HSF5: variants seen among roughly 807,000 people sequenced by gnomAD.
HSF5 encodes heat shock transcription factor 5.
HSF5 carries 5 observed loss-of-function variants against 50.8 expected under a neutral mutation model. That is an observed-to-expected ratio of 0.10 (90% CI 0.05 to 0.21). The LOEUF is 0.21. Ranked by LOEUF, HSF5 falls within the 10% of genes least tolerant of loss-of-function variation. The probability of loss-of-function intolerance (pLI) is 1.00; values close to 1 mark genes in which losing one functional copy is unlikely to be tolerated. For synonymous variants in HSF5, 307 were observed against 307.4 expected, an observed-to-expected ratio of 1.00 and a Z score of 0.02; for missense variants, 564 against 762.6, an observed-to-expected ratio of 0.74 and a Z score of 3.07.
At chr17:58,434,473 C>T (rs1974401204) in intron 5 of HSF5, among the ~76,000 whole-genome samples, 2 of 151,656 alleles carry the variant, frequency 1.3e-5, no homozygotes, top group Admixed American at 1.3e-4. Context: ...AATCGCTTGA[C>T]CTGGGAGGCG....
rs114289407 is a variant in HSF5 at position 58,478,960 on chromosome 17, G to A, written c.925+933C>T. Among the ~76,000 whole-genome samples, 665 of 150,522 alleles carry A rather than the reference G, an allele frequency of 4.4e-3. 3 individuals carry two copies. Among genetic ancestry groups the A allele is most frequent in the African/African-American group, 0.015 (618 of 40,944 alleles). On this transcript the variant is annotated intron_variant, in intron 2 of 5. Coordinates refer to ENST00000323777, the MANE Select transcript of HSF5 (RefSeq NM_001080439.3). ...AAAACAGATGATAACTATCATAAGC[G>A]TTCCCAATTAGTGGCTTGGGATCTA...
rs760499985 is a variant in HSF5, at chr17:58,453,917, C to T, written c.1720+4851G>A. Among the ~76,000 whole-genome samples, 51 of 151,966 alleles carry T rather than the reference C, an allele frequency of 3.4e-4. 1 individual carries two copies. The highest frequency in any genetic ancestry group is 1.2e-3 in the South Asian group (6 of 4,806). On this transcript the variant is annotated intron_variant, in intron 5 of 5. Coordinates refer to ENST00000323777, the MANE Select transcript of HSF5 (RefSeq NM_001080439.3). ...CAGCCTGGCCAACATGGAGAAACCG[C>T]GTCTCTTCTAAAACACAAGAAAAAA... is the stretch of plus-strand genomic sequence containing the variant.
At chr17:58,452,249 G>A (rs555363642) in intron 5 of HSF5, among the ~76,000 whole-genome samples, 14 of 151,148 alleles carry the variant, frequency 9.3e-5, no homozygotes, top group South Asian at 2.1e-4. Flanking sequence ...ACCCTGCCTC[G>A]AAAAACAAAG....
In HSF5 at chr17:58,458,812, C is replaced by G. The variant is rs199833697; in HGVS notation, c.1676G>C (p.Arg559Thr). 30 of 1,613,994 alleles carry G rather than the reference C, an allele frequency of 1.9e-5. 1 individual carries two copies. In the Admixed American group the frequency reaches 3.7e-4, roughly 20 times the overall value. Residue 559 changes from arginine to threonine, a missense_variant, in exon 5 of 6, where the codon AGA becomes ACA. Transcript: ENST00000323777. ...TGAGTTGCTTCTGTGCTCTCTGTAT[C>G]TGGCTGGAGTGGCTAAACCTGTGTC... ...SEDTGLATPA[R>T]YREHRSNSQQ...
Position 58,420,818 on chromosome 17 carries a change from T to C in HSF5, c.*1542A>G, listed in dbSNP as rs553294337. 1.3e-5 allele frequency: 2 copies of C among 152,256 alleles called. No individual in the cohort carries two copies. Among genetic ancestry groups the C allele is most frequent in the Non-Finnish European group, 1.5e-5 (1 of 68,032 alleles). 9.4% of individuals were successfully genotyped at this position (152,256 alleles called of 1,614,324 possible). A position where few individuals can be genotyped will look rare whatever the true frequency, so the allele number is the denominator to read the frequency against. On this transcript the variant is annotated 3_prime_UTR_variant, in exon 6 of 6. Coordinates refer to ENST00000323777, the MANE Select transcript of HSF5 (RefSeq NM_001080439.3). ...GCTTTTCAGAACCTACTTTAATATC[T>C]AAACAGAGTCACTGCAGATCAATAC...
intron 2 of HSF5, among the ~76,000 whole-genome samples, chr17:58,473,760 C>T (rs1974977050): frequency 6.6e-6 from 1 of 152,100 alleles, no homozygotes. Context: ...TTTTTAGTTT[C>T]AATGTTTGAC....
chr17:58,448,613 A>G (rs1330603664), intron 5 of HSF5, among the ~76,000 whole-genome samples: 1 of 152,206 alleles, frequency 6.6e-6, no homozygotes, highest in Non-Finnish European at 1.5e-5. Flanking sequence ...AAAATTGCCA[A>G]TCAAGAATAC....
At chr17:58,457,251 C>A (rs1199806845) in intron 5 of HSF5, among the ~76,000 whole-genome samples, 5 of 149,498 alleles carry the variant, frequency 3.3e-5, no homozygotes, top group Admixed American at 2.0e-4. Flanking sequence ...CAGAGCAAGA[C>A]TCTGTCTCAG....
intron 3 of HSF5, among the ~76,000 whole-genome samples, chr17:58,465,146 C>A (rs1171409774): frequency 1.4e-5 from 2 of 148,112 alleles, no homozygotes; most frequent in Non-Finnish European, 3.0e-5. Context: ...CCCTCCCTCC[C>A]TCCCTCCCTT....
intron 5 of HSF5, among the ~76,000 whole-genome samples, chr17:58,442,625 G>C (rs1429670833): frequency 6.6e-6 from 1 of 152,154 alleles, no homozygotes; most frequent in Non-Finnish European, 1.5e-5. Context: ...TTGTTAATAT[G>C]GTGAATAACA....
chr17:58,487,554 C>G (rs1048056980), intron 1 of HSF5, among the ~76,000 whole-genome samples, 171 bp downstream of exon 1: 1 of 152,232 alleles, frequency 6.6e-6, no homozygotes, highest in African/African-American at 2.4e-5. Context: ...CCGCTGAGAA[C>G]GGCGGCGGTG....
At chr17:58,437,910 A>G (rs576220755) in intron 5 of HSF5, among the ~76,000 whole-genome samples, 94 of 152,314 alleles carry the variant, frequency 6.2e-4, no homozygotes, top group Non-Finnish European at 1.2e-3. Flanking sequence ...ACACATTTCT[A>G]CAGGAGAGAT....
intron 5 of HSF5, 59 bp downstream of exon 5, chr17:58,458,709 A>G (rs1430772190): frequency 7.2e-7 from 1 of 1,398,156 alleles, no homozygotes; most frequent in Non-Finnish European, 9.7e-7. Context: ...AATGTCATTC[A>G]TATATTAATT....
At chr17:58,450,875 G>A (rs1312083435) in intron 5 of HSF5, among the ~76,000 whole-genome samples, 2 of 152,022 alleles carry the variant, frequency 1.3e-5, no homozygotes, top group Non-Finnish European at 2.9e-5. Context: ...GATCACTTGA[G>A]GTTAGGAGTT....
chr17:58,481,328 C>A (rs1975095536), intron 1 of HSF5, among the ~76,000 whole-genome samples: 1 of 152,076 alleles, frequency 6.6e-6, no homozygotes, highest in African/African-American at 2.4e-5. Flanking sequence ...TGATACTTGT[C>A]TTCTCTTTAT....
At chr17:58,426,454 T>C (rs2143723815) in intron 5 of HSF5, among the ~76,000 whole-genome samples, 1 of 152,284 alleles carries the variant, frequency 6.6e-6, no homozygotes, top group South Asian at 2.1e-4. Context: ...AGATAAGTAT[T>C]TGGGAATCAC....
At chr17:58,427,706 C>T (rs1974313518) in intron 5 of HSF5, among the ~76,000 whole-genome samples, 1 of 152,152 alleles carries the variant, frequency 6.6e-6, no homozygotes, top group Admixed American at 6.5e-5. Flanking sequence ...AACATTTGGT[C>T]ATCTATGAGA....
At chr17:58,476,549 G>T in intron 2 of HSF5, 3 of 1,424,872 alleles carry the variant, frequency 2.1e-6, no homozygotes, top group South Asian at 2.3e-5. Context: ...TTATTTTCAA[G>T]GTAAGGATTT....
intron 5 of HSF5, among the ~76,000 whole-genome samples, chr17:58,441,521 G>C (rs1974497619): frequency 6.6e-6 from 1 of 151,944 alleles, no homozygotes. Context: ...GATAAGAGTA[G>C]AAATCAATGA....
Sources: gnomAD v4.1 joint callset for allele counts (sites outside exome capture counted in the v4.1 genomes callset) on GRCh38, gnomAD v4.1.1 for gene constraint, MANE v1.5 for transcripts, NCBI Gene and HGNC (gene_info 2026-07-23, HGNC 2026-07-21) for gene names.